SBF2: variants seen among roughly 807,000 people sequenced by gnomAD.
SBF2 encodes the protein myotubularin-related protein 13.
A neutral mutation model predicts 225.2 loss-of-function variants in SBF2; 112 were observed. The ratio of observed to expected loss-of-function variants is 0.50; its 90% confidence interval spans 0.43 to 0.58. The LOEUF (loss-of-function observed/expected upper bound fraction) is 0.58, where lower values mean the gene tolerates loss of function less well. SBF2 is among the 20% of genes least tolerant of loss of function. The pLI is 0.00. For synonymous variants in SBF2, 763 were observed against 773.3 expected, an observed-to-expected ratio of 0.99 and a Z score of 0.22; for missense variants, 1,996 against 2,206.2, an observed-to-expected ratio of 0.90 and a Z score of 1.91.
At chr11:10,197,635 A>G (rs759568470) in intron 1 of SBF2, among the ~76,000 whole-genome samples, 21 of 152,340 alleles carry the variant, frequency 1.4e-4, no homozygotes, top group Middle Eastern at 3.4e-3. Context: ...ATCGATTGAC[A>G]CTTTCTTTCA....
At chr11:10,291,153 A>ATGTCCCC (rs1191096821) in intron 1 of SBF2, among the ~76,000 whole-genome samples, 3 of 152,234 alleles carry the variant, frequency 2.0e-5, no homozygotes, top group African/African-American at 7.2e-5. Flanking sequence ...CTGAATGTGT[A>ATGTCCCC]TGTCCCCTCC....
Position 10,164,790 on chromosome 11 carries a change from C to G in SBF2, c.141+29112G>C, listed in dbSNP as rs547317698. On this transcript the variant is annotated intron_variant, in intron 2 of 39. Coordinates refer to ENST00000256190, the MANE Select transcript of SBF2 (RefSeq NM_030962.4). ...TGCAACATAGAGGATGTTATCTATA[C>G]ACCCATACCACAGCTAATCACAAGA... Among the ~76,000 whole-genome samples the G allele has an allele frequency of 6.7e-5, 10 of 149,928 alleles. No individual in the cohort carries two copies. The South Asian group carries it at 2.1e-3, about 31-fold the overall frequency.
intron 16 of SBF2, among the ~76,000 whole-genome samples, chr11:9,952,684 T>A (rs1318968537): frequency 6.6e-6 from 1 of 152,198 alleles, no homozygotes; most frequent in Non-Finnish European, 1.5e-5. Flanking sequence ...GAGATTAATG[T>A]ACATATGCAA....
intron 2 of SBF2, among the ~76,000 whole-genome samples, chr11:10,173,594 A>C (rs915725307): frequency 2.0e-4 from 31 of 152,158 alleles, no homozygotes; most frequent in African/African-American, 7.2e-4. Flanking sequence ...AGGGGCGCCC[A>C]CCATTGCCCA....
chr11:9,929,018 A>G, intron 16 of SBF2: 1 of 484,414 alleles, frequency 2.1e-6, no homozygotes, highest in African/African-American at 2.0e-5. Context: ...CTGCTAATGA[A>G]CATACAGTGC....
At chr11:9,895,804 T>C in intron 17 of SBF2, 139 bp downstream of exon 17, 1 of 712,462 alleles carries the variant, frequency 1.4e-6, no homozygotes, top group South Asian at 1.5e-5. Flanking sequence ...ATGCAATAAA[T>C]GTTATAATAA....
chr11:9,887,887 G>GA (rs1231953364), intron 17 of SBF2, among the ~76,000 whole-genome samples: 9 of 150,058 alleles, frequency 6.0e-5, no homozygotes, highest in East Asian at 3.9e-4. Flanking sequence ...CACGAAGTCT[G>GA]AAAAAAAACA....
chr11:10,208,895 T>G (rs997450095), intron 1 of SBF2, among the ~76,000 whole-genome samples: 1 of 152,114 alleles, frequency 6.6e-6, no homozygotes, highest in Non-Finnish European at 1.5e-5. Flanking sequence ...TTAAGTTATA[T>G]TTACGTTTTC....
In SBF2 at chr11:10,046,853, T is replaced by C. The variant is rs1362617640; in HGVS notation, c.142-3872A>G. Among the ~76,000 whole-genome samples the C allele has an allele frequency of 1.7e-4, 25 of 147,564 alleles. 1 individual carries two copies. The highest frequency in any genetic ancestry group is 2.1e-4 in the Non-Finnish European group (14 of 66,954). ...CTGCTTTTGTTCACAGATGACATGATTGTGTAAACAGATAATCTGAAAGGA... is the reference window on the plus strand; with the variant it reads ...CTGCTTTTGTTCACAGATGACATGACTGTGTAAACAGATAATCTGAAAGGA... On this transcript the variant is annotated intron_variant, in intron 2 of 39. Transcript: ENST00000256190.
intron 17 of SBF2, among the ~76,000 whole-genome samples, chr11:9,875,863 G>A (rs1859184005): frequency 6.6e-6 from 1 of 152,126 alleles, no homozygotes; most frequent in African/African-American, 2.4e-5. Flanking sequence ...AAATGTGAAA[G>A]TATGCAGGCA....
intron 1 of SBF2, among the ~76,000 whole-genome samples, chr11:10,264,499 C>A (rs1264073774): frequency 6.6e-6 from 1 of 152,010 alleles, no homozygotes; most frequent in East Asian, 1.9e-4. Flanking sequence ...CAAGGGTCTT[C>A]CATGTGCCAG....
chr11:9,866,831 C>G (rs1269551086), intron 17 of SBF2, among the ~76,000 whole-genome samples: 1 of 152,154 alleles, frequency 6.6e-6, no homozygotes, highest in African/African-American at 2.4e-5. Flanking sequence ...AACTATCCAT[C>G]CATCCAACAA....
At chr11:9,896,145 G>A (rs1221278784) in intron 16 of SBF2, 134 bp from the exon 17 acceptor site, 4 of 730,576 alleles carry the variant, frequency 5.5e-6, no homozygotes, top group Middle Eastern at 2.5e-4. Flanking sequence ...AGGACCTGAC[G>A]GAGGGGTTTG....
chr11:10,267,616 G>A (rs1023025957), intron 1 of SBF2, among the ~76,000 whole-genome samples: 2 of 150,914 alleles, frequency 1.3e-5, no homozygotes, highest in African/African-American at 4.9e-5. Context: ...TTGAGACAGG[G>A]TCTTACTCCT....
intron 16 of SBF2, among the ~76,000 whole-genome samples, chr11:9,945,516 C>T (rs1173855322): frequency 2.6e-5 from 4 of 152,108 alleles, no homozygotes; most frequent in South Asian, 2.1e-4. Flanking sequence ...CTAGGAAATA[C>T]CATTCTGGAC....
At chr11:9,783,858 G>A (rs936965263) in intron 38 of SBF2, among the ~76,000 whole-genome samples, 1 of 152,104 alleles carries the variant, frequency 6.6e-6, no homozygotes, top group African/African-American at 2.4e-5. Context: ...TACAGCAGTG[G>A]GCACAGAGGT....
intron 16 of SBF2, among the ~76,000 whole-genome samples, chr11:9,938,286 G>A (rs1406107878): frequency 6.8e-6 from 1 of 147,670 alleles, no homozygotes; most frequent in Non-Finnish European, 1.5e-5. Context: ...GCGAGACTCC[G>A]TCTCAGAAAA....
chr11:10,035,649 A>C (rs1403685039), intron 3 of SBF2, among the ~76,000 whole-genome samples: 1 of 152,202 alleles, frequency 6.6e-6, no homozygotes, highest in Non-Finnish European at 1.5e-5. Context: ...ATGCAGCCAA[A>C]AGACATGAAA....
chr11:10,215,645 G>T (rs1399584775), intron 1 of SBF2, among the ~76,000 whole-genome samples: 1 of 145,432 alleles, frequency 6.9e-6, no homozygotes, highest in Non-Finnish European at 1.5e-5. Flanking sequence ...AAAAAACCAT[G>T]TACCTCTTAT....
Sources: gnomAD v4.1 joint callset for allele counts (sites outside exome capture counted in the v4.1 genomes callset) on GRCh38, gnomAD v4.1.1 for gene constraint, MANE v1.5 for transcripts, NCBI Gene and HGNC (gene_info 2026-07-23, HGNC 2026-07-21) for gene names.